Variants in EIF4E3 observed in about 807,000 individuals in gnomAD.
The protein encoded by EIF4E3 is eukaryotic translation initiation factor 4E family member 3.
Under a neutral mutation model 31.7 loss-of-function variants are expected in EIF4E3, and 26 were observed. That is an observed-to-expected ratio of 0.82 (90% confidence interval 0.60 to 1.14). The LOEUF (loss-of-function observed/expected upper bound fraction) is 1.14. Among genes scored for constraint, EIF4E3 ranks in the 50% most tolerant of loss-of-function variants. The pLI, the probability that EIF4E3 is intolerant of heterozygous loss-of-function variation, is 0.00. For missense variants in EIF4E3, 304 were observed against 270.9 expected (o/e 1.12, Z -0.86); for synonymous variants, 128 against 107.7 (o/e 1.19, Z -1.17).
intron 1 of EIF4E3, among the ~76,000 whole-genome samples, chr3:71,722,374 G>C (rs2049564971): frequency 1.3e-5 from 2 of 152,214 alleles, no homozygotes; most frequent in Non-Finnish European, 2.9e-5. Flanking sequence ...GACTGGATGA[G>C]ATCCCTGGTG....
downstream of EIF4E3, among the ~76,000 whole-genome samples, chr3:71,670,731 C>T (rs1432972545): frequency 6.6e-6 from 1 of 152,110 alleles, no homozygotes; most frequent in African/African-American, 2.4e-5. Context: ...CACTGTGGTA[C>T]CATGAAGCAT....
At chr3:71,667,211 C>A in the EIF4E3 span, among the ~76,000 whole-genome samples, 2 of 152,134 alleles carry the variant, frequency 1.3e-5, no homozygotes, top group Non-Finnish European at 2.9e-5. Context: ...CCCCTTCCTG[C>A]TAAAAACACT....
At position 71,725,073 on chromosome 3, in the gene EIF4E3, G is replaced by T; in HGVS notation, c.176+119C>A. ...GGGGTGCGCAGGCGGACGCGCGGAGGGGCCGAGGTCTGTGCCACAGCGGAG... is the reference window on the plus strand; with the variant it reads ...GGGGTGCGCAGGCGGACGCGCGGAGTGGCCGAGGTCTGTGCCACAGCGGAG... On this transcript the variant is annotated intron_variant, in intron 1 of 6. Coordinates refer to ENST00000425534, the MANE Select transcript of EIF4E3 (RefSeq NM_001134651.2). This position sits in a 1 kb window ranked among gnomAD's most constrained non-coding sequence, Gnocchi z 6.1. The T allele has an allele frequency of 1.3e-6, 1 of 773,110 alleles. No homozygotes were observed. Among genetic ancestry groups the T allele is most frequent in the African/African-American group, 1.9e-5 (1 of 53,010 alleles). The allele number at this position is 773,110 out of a possible 1,614,324, so 47.9% of individuals were successfully genotyped here. A position where few individuals can be genotyped will look rare whatever the true frequency, so the allele number is the denominator to read the frequency against.
At chr3:71,745,929 T>G (rs1414449269) in intron 1 of EIF4E3, among the ~76,000 whole-genome samples, 1 of 152,248 alleles carries the variant, frequency 6.6e-6, no homozygotes, top group African/African-American at 2.4e-5. Flanking sequence ...TGATAACATG[T>G]TAGTGTAGAC....
At chr3:71,692,739 G>A (rs1294068241) in intron 5 of EIF4E3, among the ~76,000 whole-genome samples, 1 of 151,906 alleles carries the variant, frequency 6.6e-6, no homozygotes, top group Non-Finnish European at 1.5e-5. Flanking sequence ...GGCTATGGGT[G>A]TATGTCACTA....
chr3:71,659,446 C>G, the EIF4E3 span, among the ~76,000 whole-genome samples: 1 of 152,178 alleles, frequency 6.6e-6, no homozygotes, highest in Non-Finnish European at 1.5e-5. Flanking sequence ...ACATACTGGT[C>G]TCAGCCATGG....
chr3:71,728,377 C>T (rs181290298), upstream of EIF4E3: 4 of 152,546 alleles, frequency 2.6e-5, no homozygotes, highest in Admixed American at 2.6e-4. Context: ...ATGGCAGGAA[C>T]TAGAATTTCA....
intron 6 of EIF4E3, among the ~76,000 whole-genome samples, chr3:71,688,544 C>T (rs1042598798): frequency 4.0e-4 from 61 of 152,162 alleles, no homozygotes; most frequent in African/African-American, 1.4e-3. Context: ...CCTGACTTAA[C>T]GACCCCAAAT....
chr3:71,750,903 A>G (rs945476766), intron 1 of EIF4E3, among the ~76,000 whole-genome samples: 5 of 151,440 alleles, frequency 3.3e-5, no homozygotes, highest in African/African-American at 1.2e-4. Context: ...AGCTGGGACT[A>G]CAGGCGCCTG....
chr3:71,716,075 T>C (rs562090933), intron 1 of EIF4E3, among the ~76,000 whole-genome samples: 3 of 152,214 alleles, frequency 2.0e-5, no homozygotes, highest in Non-Finnish European at 2.9e-5. Flanking sequence ...CCTGTCAATC[T>C]TGCCTCCCCA....
chr3:71,718,621 T>A (rs1270351395), intron 1 of EIF4E3, among the ~76,000 whole-genome samples: 1 of 152,254 alleles, frequency 6.6e-6, no homozygotes, highest in African/African-American at 2.4e-5. Context: ...TGTTGCCATG[T>A]GCCCCGGGTT....
downstream of EIF4E3, among the ~76,000 whole-genome samples, chr3:71,674,345 G>A (rs559454825): frequency 1.4e-4 from 21 of 152,002 alleles, no homozygotes; most frequent in East Asian, 3.9e-4. Flanking sequence ...AGCCTCAGGT[G>A]ATCCACCCAG....
In EIF4E3 at chr3:71,684,482, G is replaced by A. The variant is rs1016744321; in HGVS notation, c.*200C>T. 6 of 422,240 alleles carry A rather than the reference G, an allele frequency of 1.4e-5. No homozygotes were observed. Among genetic ancestry groups the A allele is most frequent in the Non-Finnish European group, 2.1e-5 (5 of 242,838 alleles). The allele number at this position is 422,240 out of a possible 1,614,324, so 26.2% of individuals were successfully genotyped here. A position where few individuals can be genotyped will look rare whatever the true frequency, so the allele number is the denominator to read the frequency against. ...TGTGTGTGTTTTTTTTAAAAAGCAA[G>A]TAATGTGACGGTAGAAACCCACACA... is the stretch of plus-strand genomic sequence containing the variant. On this transcript the variant is annotated 3_prime_UTR_variant, in exon 7 of 7. Transcript: ENST00000425534.
chr3:71,709,096 A>T (rs545986980), intron 2 of EIF4E3, among the ~76,000 whole-genome samples: 5 of 152,282 alleles, frequency 3.3e-5, no homozygotes, highest in Non-Finnish European at 5.9e-5. Context: ...CTAAAAAAAA[A>T]ATGGATCTCT....
In EIF4E3 at chr3:71,680,383, T is replaced by G. The variant is rs1188289308; in HGVS notation, c.*4299A>C. 6.6e-6 allele frequency: 1 copy of G among 152,218 alleles called. No individual in the cohort carries two copies. Among genetic ancestry groups the G allele is most frequent in the East Asian group, 1.9e-4 (1 of 5,198 alleles). 9.4% of individuals were successfully genotyped at this position (152,218 alleles called of 1,614,324 possible). A position where few individuals can be genotyped will look rare whatever the true frequency, so the allele number is the denominator to read the frequency against. ...TAAGTAAGTATCTGAGTGATTTTGC[T>G]GCATGCTAAGGGGTGAGAAGCACTG... On this transcript the variant is annotated 3_prime_UTR_variant, in exon 7 of 7. Transcript: ENST00000425534.
At chr3:71,662,967 T>C in the EIF4E3 span, among the ~76,000 whole-genome samples, 1 of 152,184 alleles carries the variant, frequency 6.6e-6, no homozygotes, top group Admixed American at 6.5e-5. Flanking sequence ...AGCACACATT[T>C]GCATCTGGGG....
upstream of EIF4E3, among the ~76,000 whole-genome samples, chr3:71,728,068 C>G (rs2049661539): frequency 6.6e-6 from 1 of 152,180 alleles, no homozygotes; most frequent in Non-Finnish European, 1.5e-5. Flanking sequence ...AATGAAGAAG[C>G]ATCACTATTT....
chr3:71,716,748 G>C (rs1326741438), intron 1 of EIF4E3, among the ~76,000 whole-genome samples: 4 of 152,140 alleles, frequency 2.6e-5, no homozygotes, highest in African/African-American at 9.7e-5. Context: ...GGCAGATCTG[G>C]GACTTGAACC....
chr3:71,729,575 T>G (rs2049679986), upstream of EIF4E3, among the ~76,000 whole-genome samples: 2 of 152,224 alleles, frequency 1.3e-5, no homozygotes, highest in Non-Finnish European at 2.9e-5. Context: ...ATGCTAATGG[T>G]CTCTATCTCT....
Sources: gnomAD v4.1 joint callset for allele counts (sites outside exome capture counted in the v4.1 genomes callset) on GRCh38, gnomAD v4.1.1 for gene constraint, Gnocchi (gnomAD v3.1) non-coding constraint, MANE v1.5 for transcripts, NCBI Gene and HGNC (gene_info 2026-07-23, HGNC 2026-07-21) for gene names.